DGKE: variants seen among roughly 807,000 people sequenced by gnomAD.
DGKE encodes diacylglycerol kinase epsilon.
In DGKE, 53 loss-of-function variants were observed where a neutral mutation model predicts 70.0. The observed-to-expected ratio is 0.76, with a 90% CI of 0.61 to 0.95. The LOEUF is 0.95. Ranked by LOEUF, DGKE falls within the 40% of genes least tolerant of loss-of-function variation. DGKE has a pLI of 0.00. For synonymous variants in DGKE, 291 were observed against 257.0 expected, an observed-to-expected ratio of 1.13 and a Z score of -1.27; for missense variants, 655 against 706.9, an observed-to-expected ratio of 0.93 and a Z score of 0.83.
Position 56,865,165 on chromosome 17 carries a change from C to T in DGKE, c.*2374C>T, listed in dbSNP as rs534576651. On this transcript the variant is annotated 3_prime_UTR_variant, in exon 12 of 12. Coordinates refer to ENST00000284061, the MANE Select transcript of DGKE (RefSeq NM_003647.3). ...CCTTGTTTAAGTACAATTTATAAGA[C>T]TTCATGTTTGCAAGTTACATATTAG... The T allele has an allele frequency of 2.0e-4, 31 of 152,210 alleles. No homozygotes were observed. The highest frequency in any genetic ancestry group is 6.7e-4 in the African/African-American group (28 of 41,548). 9.4% of individuals were successfully genotyped at this position (152,210 alleles called of 1,614,324 possible). A position where few individuals can be genotyped will look rare whatever the true frequency, so the allele number is the denominator to read the frequency against.
chr17:56,840,530 C>T (rs1906911621), intron 2 of DGKE, among the ~76,000 whole-genome samples: 1 of 152,110 alleles, frequency 6.6e-6, no homozygotes, highest in Admixed American at 6.5e-5. Flanking sequence ...CATGCACCAC[C>T]ACACCTGGCC....
At chr17:56,854,084 T>A (rs1907805117) in intron 7 of DGKE, among the ~76,000 whole-genome samples, 1 of 151,634 alleles carries the variant, frequency 6.6e-6, no homozygotes. Context: ...AAATATTGTA[T>A]GATGTCACTT....
At chr17:56,840,611 C>T (rs780596289) in intron 2 of DGKE, among the ~76,000 whole-genome samples, 4 of 152,186 alleles carry the variant, frequency 2.6e-5, no homozygotes, top group Non-Finnish European at 4.4e-5. Context: ...AACTTCTGAC[C>T]TCAGGTGATC....
At chr17:56,838,155 A>G (rs1265918726) in intron 2 of DGKE, among the ~76,000 whole-genome samples, 1 of 152,232 alleles carries the variant, frequency 6.6e-6, no homozygotes, top group African/African-American at 2.4e-5. Context: ...TATTCATTAC[A>G]TCTACCCCAC....
rs776575874 is a variant in DGKE, at chr17:56,844,187, A to C, written c.624+9A>C. On this transcript the variant is annotated intron_variant, in intron 3 of 11. Coordinates refer to ENST00000284061, the MANE Select transcript of DGKE (RefSeq NM_003647.3). ...AAACAGATTATGAAGTGGTAATTAG[A>C]GTTTATTTCTCTAATATGATTGATT... 6.1e-6 allele frequency: 9 copies of C among 1,470,008 alleles called. No individual in the cohort carries two copies. In the South Asian group the frequency reaches 1.2e-4, roughly 20 times the overall value. The allele number at this position is 1,470,008 out of a possible 1,614,324, so 91.1% of individuals were successfully genotyped here.
chr17:56,860,662 GC>G (rs1171212605), intron 9 of DGKE, among the ~76,000 whole-genome samples: 3 of 152,216 alleles, frequency 2.0e-5, no homozygotes, highest in Admixed American at 2.0e-4. Flanking sequence ...AGGGAAAGTG[GC>G]AGTATAAGCA....
Position 56,849,196 on chromosome 17 carries a change from A to G in DGKE, c.1062A>G (p.Val354=), listed in dbSNP as rs1270096344. The G allele has an allele frequency of 3.7e-6, 6 of 1,610,434 alleles. No homozygotes were observed. The South Asian group carries it at 4.4e-5, about 12-fold the overall frequency. The change falls in exon 7 of 12, where the codon GTA becomes GTG. Residue 354 remains valine (V), a synonymous_variant. Coordinates refer to ENST00000284061, the MANE Select transcript of DGKE (RefSeq NM_003647.3). ...GIKLDRWKVQ[V]TNKGYYNLRK... is the part of the protein sequence containing the mutation. ...TGTTTTTTAGATGGAAAGTTCAAGT[A>G]ACAAATAAAGGATACTACAACTTAA...
At chr17:56,846,000 C>T (rs940659952) in intron 4 of DGKE, 191 bp downstream of exon 4, 2 of 443,128 alleles carry the variant, frequency 4.5e-6, no homozygotes, top group African/African-American at 4.1e-5. Context: ...CTTTAGAAGA[C>T]ATCTTGGCAG....
At chr17:56,860,596 A>T (rs1567824007) in intron 9 of DGKE, among the ~76,000 whole-genome samples, 1 of 152,248 alleles carries the variant, frequency 6.6e-6, no homozygotes, top group Non-Finnish European at 1.5e-5. Flanking sequence ...TAAGAAAAGC[A>T]TGTGGTCTTA....
intron 2 of DGKE, among the ~76,000 whole-genome samples, chr17:56,841,637 A>G (rs891410583): frequency 6.6e-5 from 10 of 152,336 alleles, no homozygotes; most frequent in Non-Finnish European, 1.0e-4. Context: ...ACTTTCATGC[A>G]CTCGTAACAA....
At chr17:56,840,247 G>C (rs1386367183) in intron 2 of DGKE, among the ~76,000 whole-genome samples, 4 of 152,148 alleles carry the variant, frequency 2.6e-5, no homozygotes, top group Non-Finnish European at 4.4e-5. Context: ...CAAATTATTG[G>C]GGGTAGAAAA....
At chr17:56,841,244 T>C in intron 2 of DGKE, among the ~76,000 whole-genome samples, 1 of 93,346 alleles carries the variant, frequency 1.1e-5, no homozygotes. Context: ...AGAGTGATAC[T>C]CTGTCTCAAA....
intron 7 of DGKE, among the ~76,000 whole-genome samples, chr17:56,852,206 T>A (rs1598036977): frequency 6.6e-6 from 1 of 151,888 alleles, no homozygotes; most frequent in Non-Finnish European, 1.5e-5. Flanking sequence ...TGAGGTCAGG[T>A]GTTCGAGACC....
chr17:56,845,905 G>A, intron 4 of DGKE, 96 bp downstream of exon 4: 1 of 1,225,284 alleles, frequency 8.2e-7, no homozygotes, highest in Non-Finnish European at 1.1e-6. Context: ...CTGATCATAG[G>A]AAAGAATAAT....
At position 56,848,755 on chromosome 17, in the gene DGKE, A is replaced by G. The variant is rs147304275; in HGVS notation, c.948A>G (p.Leu316=). 88 of 1,614,056 alleles carry G rather than the reference A, an allele frequency of 5.5e-5. No homozygotes were observed. Among genetic ancestry groups the G allele is most frequent in the Non-Finnish European group, 6.7e-5 (79 of 1,180,028 alleles). ...TGCCTCTGGGAACAGGCAACGATCTATCCAATACATTGGGTTGGGGTACAG... is the reference window on the plus strand; with the variant it reads ...TGCCTCTGGGAACAGGCAACGATCTGTCCAATACATTGGGTTGGGGTACAG... ...AVLPLGTGND[L]SNTLGWGTGY... Residue 316 remains leucine, a synonymous_variant, in exon 6 of 12, where the codon CTA becomes CTG. Transcript: ENST00000284061.
At position 56,853,549 on chromosome 17, in the gene DGKE, A is replaced by G. The variant is rs190836805; in HGVS notation, c.1099-2963A>G. Reference sequence around the variant, plus strand: ...CCAGCTTTCCCAGTACCATTTATTGATGAGACTCTCCTTTCCCTATTGTAT... The same window carrying G: ...CCAGCTTTCCCAGTACCATTTATTGGTGAGACTCTCCTTTCCCTATTGTAT... On this transcript the variant is annotated intron_variant, in intron 7 of 11. Transcript: ENST00000284061. Among the ~76,000 whole-genome samples, 93 of 152,300 alleles carry G rather than the reference A, an allele frequency of 6.1e-4. 1 individual carries two copies. Among genetic ancestry groups the G allele is most frequent in the Admixed American group, 1.6e-3 (25 of 15,296 alleles).
At chr17:56,837,517 C>T (rs1906705757) in intron 2 of DGKE, among the ~76,000 whole-genome samples, 1 of 152,116 alleles carries the variant, frequency 6.6e-6, no homozygotes, top group Admixed American at 6.5e-5. Flanking sequence ...TTATTATTCC[C>T]AAGAGAAGAG....
chr17:56,845,819 GAAAA>G lies in DGKE; in HGVS notation c.744+14_744+17del, dbSNP rs561537916. ...GTTGAATCCAGTCCAGGTAACTAAA[GAAAA>G]AAACTTTTTATATTAATGTTTTCAT... On this transcript the variant is annotated intron_variant, in intron 4 of 11. Transcript: ENST00000284061. 6.4e-7 allele frequency: 1 copy of G among 1,559,678 alleles called. No individual in the cohort carries two copies. Among genetic ancestry groups the G allele is most frequent in the Non-Finnish European group, 8.6e-7 (1 of 1,160,000 alleles).
chr17:56,850,353 G>A (rs994816885), intron 7 of DGKE, among the ~76,000 whole-genome samples: 2 of 151,802 alleles, frequency 1.3e-5, no homozygotes, highest in African/African-American at 4.8e-5. Context: ...GGCTGGTCTC[G>A]AACTCCTAGG....
Sources: allele counts gnomAD v4.1 joint callset (sites outside exome capture counted in the v4.1 genomes callset), GRCh38; gene constraint gnomAD v4.1.1; transcripts MANE v1.5; gene names NCBI Gene and HGNC (gene_info 2026-07-23, HGNC 2026-07-21).